Variants in UBR3 observed in about 807,000 individuals in gnomAD.
The protein encoded by UBR3 is E3 ubiquitin-protein ligase UBR3.
UBR3 carries 85 observed loss-of-function variants against 243.2 expected under a neutral mutation model. The observed-to-expected ratio is 0.35, with a 90% CI of 0.29 to 0.42. The LOEUF is 0.42. Among genes scored for constraint, UBR3 ranks in the 10% least tolerant of loss-of-function variants. UBR3 has a pLI of 1.00. For synonymous variants in UBR3, 748 were observed against 799.8 expected (o/e 0.94, Z 1.09); for missense variants, 1,686 against 2,300.8 (o/e 0.73, Z 5.47).
intron 31 of UBR3, among the ~76,000 whole-genome samples, chr2:170,029,713 G>T (rs1305726712): frequency 1.3e-5 from 2 of 152,016 alleles, no homozygotes; most frequent in African/African-American, 4.8e-5. Flanking sequence ...GCATGTAATG[G>T]CTGGTTGTCT....
chr2:170,066,912 C>T (rs183681242), intron 35 of UBR3, among the ~76,000 whole-genome samples: 21 of 151,456 alleles, frequency 1.4e-4, no homozygotes, highest in Non-Finnish European at 2.8e-4. Context: ...TGCAGTGAGC[C>T]GAGATCGCGC....
At chr2:169,945,970 T>A (rs1416721288) in intron 20 of UBR3, among the ~76,000 whole-genome samples, 3 of 152,238 alleles carry the variant, frequency 2.0e-5, no homozygotes, top group African/African-American at 7.2e-5. Flanking sequence ...CTGCCAGTTA[T>A]ATGCCAGGTG....
chr2:169,830,605 A>T (rs1290596923), intron 1 of UBR3, among the ~76,000 whole-genome samples: 1 of 151,440 alleles, frequency 6.6e-6, no homozygotes, highest in Non-Finnish European at 1.5e-5. Flanking sequence ...TACTGCCCCT[A>T]CTAAATAGCA....
Position 169,928,747 on chromosome 2 carries a change from CA to C in UBR3, c.2449del (p.Ser817ValfsTer17). ...ATCATATTCCAGAAAATCCTAATCC[CA>C]AAAGTGGCATTATTCCAGGCAGTTA... is the stretch of plus-strand genomic sequence containing the variant. The part of the protein sequence containing the change: ...LDLIPENPNP[K>X]SGIIPGSYSF... On this transcript the variant is annotated frameshift_variant, in exon 18 of 39. Coordinates refer to ENST00000272793, the MANE Select transcript of UBR3 (RefSeq NM_172070.4). LOFTEE classifies it high-confidence loss of function. 1 of 1,489,904 alleles carries C rather than the reference CA, an allele frequency of 6.7e-7. No homozygotes were observed. The highest frequency in any genetic ancestry group is 9.1e-7 in the Non-Finnish European group (1 of 1,104,190). The allele number at this position is 1,489,904 out of a possible 1,614,324, so 92.3% of individuals were successfully genotyped here. A position where few individuals can be genotyped will look rare whatever the true frequency, so the allele number is the denominator to read the frequency against.
chr2:169,916,427 C>G (rs945209072), intron 11 of UBR3, among the ~76,000 whole-genome samples: 5 of 152,088 alleles, frequency 3.3e-5, no homozygotes, highest in African/African-American at 9.7e-5. Context: ...TCTGCTTTGA[C>G]TCTGAGTCCT....
At chr2:169,973,606 G>A (rs958295419) in intron 24 of UBR3, among the ~76,000 whole-genome samples, 16 of 152,110 alleles carry the variant, frequency 1.1e-4, no homozygotes, top group African/African-American at 3.6e-4. Flanking sequence ...TCTTGGCAAA[G>A]CTTTTAGGAT....
intron 11 of UBR3, among the ~76,000 whole-genome samples, chr2:169,919,516 T>G (rs998538020): frequency 6.6e-6 from 1 of 152,018 alleles, no homozygotes; most frequent in African/African-American, 2.4e-5. Context: ...ACGATCAGAG[T>G]GAACAGGCAA....
chr2:170,078,172 T>C, intron 36 of UBR3: 1 of 549,792 alleles, frequency 1.8e-6, no homozygotes, highest in South Asian at 1.6e-5. Flanking sequence ...GACCAATCAT[T>C]TTCTTTGACT....
chr2:169,946,215 ATT>A, intron 20 of UBR3, 71 bp from the exon 21 acceptor site: 1 of 873,000 alleles, frequency 1.1e-6, no homozygotes, highest in Non-Finnish European at 1.7e-6. Flanking sequence ...ACAGTAAAAT[ATT>A]TTTGGATCTC....
At position 170,022,614 on chromosome 2, in the gene UBR3, A is replaced by T. The variant is rs555647211; in HGVS notation, c.4454-6732A>T. Among the ~76,000 whole-genome samples the T allele has an allele frequency of 2.6e-5, 4 of 152,312 alleles. No individual in the cohort carries two copies. In the South Asian group the frequency reaches 6.2e-4, roughly 24 times the overall value. ...TGTGGAAGTGAGGATGATGGTACTT[A>T]TACTGACTATCTGATATATCCATCA... is the stretch of plus-strand genomic sequence containing the variant. On this transcript the variant is annotated intron_variant, in intron 30 of 38. Transcript: ENST00000272793.
intron 30 of UBR3, among the ~76,000 whole-genome samples, chr2:170,016,458 G>A (rs972797232): frequency 2.6e-5 from 4 of 151,808 alleles, no homozygotes; most frequent in Non-Finnish European, 5.9e-5. Flanking sequence ...TTTCTATTCA[G>A]TGCTTTACTA....
chr2:170,009,078 G>T (rs10205516), intron 29 of UBR3, 138 bp downstream of exon 29: 131,767 of 503,556 alleles, frequency 0.26, 18,507 homozygotes, highest in East Asian at 0.4. Context: ...TTTAGTGCCT[G>T]CTAGGATAAC....
At chr2:169,925,768 A>G in intron 14 of UBR3, 21 bp downstream of exon 14, 1 of 1,535,594 alleles carries the variant, frequency 6.5e-7, no homozygotes, top group African/African-American at 1.4e-5. Flanking sequence ...TAGATAATGC[A>G]GATATACTTT....
intron 35 of UBR3, among the ~76,000 whole-genome samples, chr2:170,064,289 T>A (rs2091509660): frequency 6.6e-6 from 1 of 152,162 alleles, no homozygotes; most frequent in South Asian, 2.1e-4. Flanking sequence ...AATTTTTCAG[T>A]TTAATGTTGT....
rs1258291553 is a variant in UBR3, at chr2:169,949,832, A to G, written c.3312A>G (p.Gln1104=). 4 of 1,563,698 alleles carry G rather than the reference A, an allele frequency of 2.6e-6. No homozygotes were observed. Among genetic ancestry groups the G allele is most frequent in the Middle Eastern group, 3.3e-4 (2 of 6,006 alleles). The part of the protein sequence containing the change: ...IKLHHKLSGK[Q]NSYYPPWLDD... ...TTCACCACAAACTCTCAGGAAAACA[A>G]AACTCCTACTATCCTCCTTGGCTTG... Residue 1104 remains glutamine, a synonymous_variant, in exon 23 of 39, where the codon CAA becomes CAG. Coordinates refer to ENST00000272793, the MANE Select transcript of UBR3 (RefSeq NM_172070.4).
In UBR3 at chr2:170,029,409, C is replaced by A. The variant is rs1265870699; in HGVS notation, c.4517C>A (p.Pro1506His). The A allele has an allele frequency of 6.2e-7, 1 of 1,611,148 alleles. No homozygotes were observed. The highest frequency in any genetic ancestry group is 2.2e-5 in the East Asian group (1 of 44,686). The change falls in exon 31 of 39, where the codon CCC becomes CAC. Residue 1506 changes from proline (P) to histidine (H), a missense_variant. By Grantham distance (77) the Pro-to-His change is moderately conservative. Transcript: ENST00000272793. ...RLYSIDSEYN[P>H]WRKLTQLEEM... ...TATAGCATTGACTCTGAGTATAATC[C>A]CTGGAGAAAGCTCACCCAGTTAGAA... is the stretch of plus-strand genomic sequence containing the variant.
At chr2:169,895,137 G>C in intron 6 of UBR3, 44 bp from the exon 7 acceptor site, 1 of 1,459,488 alleles carries the variant, frequency 6.9e-7, no homozygotes, top group South Asian at 1.5e-5. Flanking sequence ...AATGAGATGA[G>C]CAACTTCAAT....
intron 16 of UBR3, 41 bp from the exon 17 acceptor site, chr2:169,927,279 T>C (rs1389210770): frequency 4.7e-6 from 7 of 1,490,402 alleles, no homozygotes; most frequent in African/African-American, 1.4e-5. Flanking sequence ...TTATAATTTA[T>C]GTATACTCAG....
rs7564563 is a variant in UBR3 at position 170,042,038 on chromosome 2, C to A, written c.4660+1053C>A. 3.0e-3 allele frequency among the ~76,000 whole-genome samples: 453 copies of A among 152,270 alleles called. 3 individuals carry two copies. The highest frequency in any genetic ancestry group is 0.01 in the African/African-American group (427 of 41,556). ...TAGTACTGTCACAGTATTGTGTGAT[C>A]ATCACCATTCACACCATTAGTTAGT... On this transcript the variant is annotated intron_variant, in intron 32 of 38. Coordinates refer to ENST00000272793, the MANE Select transcript of UBR3 (RefSeq NM_172070.4).
Sources: allele counts gnomAD v4.1 joint callset (sites outside exome capture counted in the v4.1 genomes callset), GRCh38; gene constraint gnomAD v4.1.1; transcripts MANE v1.5; gene names NCBI Gene and HGNC (gene_info 2026-07-23, HGNC 2026-07-21).